Variants in USP25 observed in about 807,000 individuals in gnomAD.
USP25 encodes ubiquitin carboxyl-terminal hydrolase 25.
USP25 carries 85 observed loss-of-function variants against 158.5 expected under a neutral mutation model. That is an observed-to-expected ratio of 0.54 (90% CI 0.45 to 0.64). The LOEUF is 0.64. Among genes scored for constraint, USP25 ranks in the 30% least tolerant of loss-of-function variants. The pLI, the probability that USP25 is intolerant of heterozygous loss-of-function variation, is 0.00. For missense variants in USP25, 1,242 were observed against 1,327.3 expected, an observed-to-expected ratio of 0.94 and a Z score of 1.00; for synonymous variants, 464 against 460.4, an observed-to-expected ratio of 1.01 and a Z score of -0.10.
intron 19 of USP25, 144 bp downstream of exon 19, chr21:15,847,920 C>A (rs1317487009): frequency 9.0e-6 from 4 of 442,340 alleles, no homozygotes; most frequent in Non-Finnish European, 1.2e-5. Context: ...AATTACTTTA[C>A]CAATTATTAA....
chr21:15,871,232 T>A (rs1842141754), intron 23 of USP25, among the ~76,000 whole-genome samples: 1 of 152,238 alleles, frequency 6.6e-6, no homozygotes, highest in South Asian at 2.1e-4. Flanking sequence ...ATTGTGCTAT[T>A]TATAAGATAA....
rs929795969 is a variant in USP25 at position 15,780,337 on chromosome 21, A to G, written c.392+2310A>G. On this transcript the variant is annotated intron_variant, in intron 4 of 25. Coordinates refer to ENST00000400183, the MANE Select transcript of USP25 (RefSeq NM_001283041.3). ...AAAATTTTTTAAGTAGAACGTTTTT[A>G]AAGTATTTCTTTATACACTTTTTAG... 2.0e-5 allele frequency among the ~76,000 whole-genome samples: 3 copies of G among 152,154 alleles called. No homozygotes were observed. The East Asian group carries it at 5.8e-4, about 29-fold the overall frequency.
chr21:15,749,836 A>G (rs562450008), intron 1 of USP25, among the ~76,000 whole-genome samples: 8 of 152,354 alleles, frequency 5.3e-5, no homozygotes, highest in African/African-American at 1.4e-4. Flanking sequence ...CAAATCTTCA[A>G]TGATTTAGTG....
intron 20 of USP25, among the ~76,000 whole-genome samples, chr21:15,857,924 G>T (rs1182564754): frequency 1.3e-5 from 2 of 151,896 alleles, no homozygotes; most frequent in African/African-American, 4.8e-5. Context: ...TCCTTTTCAC[G>T]CTGACTTGAC....
chr21:15,778,125 T>C (rs2034765137), intron 4 of USP25, 98 bp downstream of exon 4: 1 of 1,178,830 alleles, frequency 8.5e-7, no homozygotes. Flanking sequence ...AGATATACTT[T>C]GTTACTCTAA....
chr21:15,769,901 A>G (rs2034253080), intron 3 of USP25, among the ~76,000 whole-genome samples: 1 of 152,126 alleles, frequency 6.6e-6, no homozygotes, highest in African/African-American at 2.4e-5. Context: ...CTCAAGTTTT[A>G]GAGAAATTGG....
intron 18 of USP25, among the ~76,000 whole-genome samples, chr21:15,845,599 A>AT (rs1054243059): frequency 2.0e-5 from 3 of 152,172 alleles, no homozygotes; most frequent in African/African-American, 7.2e-5. Context: ...CCTAAGTGCA[A>AT]TTTTTTTCCC....
intron 1 of USP25, among the ~76,000 whole-genome samples, chr21:15,755,031 A>G (rs568422624): frequency 6.6e-6 from 1 of 152,300 alleles, no homozygotes; most frequent in East Asian, 1.9e-4. Context: ...GTGATTACTC[A>G]CTTTAAAGAC....
intron 6 of USP25, among the ~76,000 whole-genome samples, chr21:15,801,940 C>G (rs933414139): frequency 6.6e-6 from 1 of 151,492 alleles, no homozygotes; most frequent in Non-Finnish European, 1.5e-5. Flanking sequence ...TTTAGACACT[C>G]AGGTTTCTTT....
Position 15,772,391 on chromosome 21 carries a change from A to G in USP25, c.269-5513A>G, listed in dbSNP as rs1042883233. ...ACTGCTTAGATGCATTTGTAACATG[A>G]TTTTATACAGTGGCACCCAGCTAAC... On this transcript the variant is annotated intron_variant, in intron 3 of 25. Transcript: ENST00000400183. Among the ~76,000 whole-genome samples, 7 of 152,284 alleles carry G rather than the reference A, an allele frequency of 4.6e-5. No individual in the cohort carries two copies. In the South Asian group the frequency reaches 1.2e-3, roughly 27 times the overall value.
intron 18 of USP25, among the ~76,000 whole-genome samples, chr21:15,844,068 C>G (rs766684923): frequency 3.9e-5 from 6 of 152,090 alleles, no homozygotes; most frequent in Non-Finnish European, 8.8e-5. Context: ...GACAGGGAGA[C>G]TATATGATAT....
intron 8 of USP25, among the ~76,000 whole-genome samples, chr21:15,809,574 T>C (rs2036556237): frequency 6.6e-6 from 1 of 152,188 alleles, no homozygotes; most frequent in Non-Finnish European, 1.5e-5. Flanking sequence ...GTACAGCCAC[T>C]GTGGAAAACA....
chr21:15,870,607 A>T (rs1341855152), intron 23 of USP25, among the ~76,000 whole-genome samples: 5 of 152,166 alleles, frequency 3.3e-5, no homozygotes, highest in Non-Finnish European at 7.4e-5. Flanking sequence ...CTATTATTTT[A>T]ATTGTTATTA....
rs779577147 is a variant in USP25, at chr21:15,875,283, A to G, written c.3009+757A>G. 1.3e-5 allele frequency among the ~76,000 whole-genome samples: 2 copies of G among 152,200 alleles called. No homozygotes were observed. The highest frequency in any genetic ancestry group is 2.9e-5 in the Non-Finnish European group (2 of 68,032). On this transcript the variant is annotated intron_variant, in intron 24 of 25. Transcript: ENST00000400183. This position sits in a 1 kb window ranked among gnomAD's most constrained non-coding sequence, Gnocchi z 4.7. ...TATAGCTGACTTTAAACATACATAG[A>G]ACCAAAACCTGATGGTTCCTCTGAA...
chr21:15,791,634 C>T lies in USP25; in HGVS notation c.525C>T (p.Gly175=). The stretch of plus-strand genomic sequence containing the variant: ...CTCCCGTTGGGCTAAAGAATGTTGG[C>T]AATACTTGTTGGTTTAGTGCTGTTA... ...DKAPVGLKNV[G]NTCWFSAVIQ... Residue 175 remains glycine, a synonymous_variant, in exon 5 of 26, where the codon GGC becomes GGT. Transcript: ENST00000400183. 1 of 1,610,492 alleles carries T rather than the reference C, an allele frequency of 6.2e-7. No homozygotes were observed. The highest frequency in any genetic ancestry group is 1.3e-5 in the African/African-American group (1 of 74,770).
intron 6 of USP25, among the ~76,000 whole-genome samples, chr21:15,803,618 C>A (rs904655312): frequency 6.6e-6 from 1 of 151,776 alleles, no homozygotes; most frequent in African/African-American, 2.4e-5. Flanking sequence ...TGCTTCTCAG[C>A]AGAATTCCAC....
intron 5 of USP25, 86 bp downstream of exon 5, chr21:15,791,750 A>G: frequency 7.1e-7 from 1 of 1,415,812 alleles, no homozygotes. Context: ...TGTGTACTTT[A>G]AAGATAAGTA....
At chr21:15,739,985 G>A (rs903858777) in intron 1 of USP25, among the ~76,000 whole-genome samples, 1 of 152,142 alleles carries the variant, frequency 6.6e-6, no homozygotes, top group Non-Finnish European at 1.5e-5. Flanking sequence ...CTCTGCTTCA[G>A]TACAGACCAT....
chr21:15,744,026 T>G, intron 1 of USP25: 1 of 155,556 alleles, frequency 6.4e-6, no homozygotes. Flanking sequence ...GTGTTTCCAT[T>G]CTTGCTGGGT....
Sources: allele counts gnomAD v4.1 joint callset (sites outside exome capture counted in the v4.1 genomes callset), GRCh38; gene constraint gnomAD v4.1.1; non-coding constraint Gnocchi (gnomAD v3.1); transcripts MANE v1.5; gene names NCBI Gene and HGNC (gene_info 2026-07-23, HGNC 2026-07-21).